Variants in GPR155 observed in about 807,000 individuals in gnomAD.
GPR155 encodes the protein G protein-coupled receptor 155, also known as lysosomal cholesterol signaling protein.
A neutral mutation model predicts 93.1 loss-of-function variants in GPR155; 65 were observed. That is an observed-to-expected ratio of 0.70 (90% CI 0.57 to 0.86). GPR155 has a LOEUF of 0.86. Among genes scored for constraint, GPR155 ranks in the 40% least tolerant of loss-of-function variants. The pLI, the probability that GPR155 is intolerant of heterozygous loss-of-function variation, is 0.00. For missense variants in GPR155, 838 were observed against 1,034.8 expected (o/e 0.81, Z 2.61); for synonymous variants, 319 against 360.1 (o/e 0.89, Z 1.29).
intron 1 of GPR155, among the ~76,000 whole-genome samples, chr2:174,484,712 T>C (rs1331650616): frequency 1.3e-5 from 2 of 152,094 alleles, no homozygotes; most frequent in East Asian, 1.9e-4. Context: ...AGGTGGACTG[T>C]GTGAGCCCAG....
rs1460562355 is a variant in GPR155 at position 174,453,841 on chromosome 2, C to T, written c.1772G>A (p.Ser591Asn). Residue 591 changes from serine (S) to asparagine (N), a missense_variant and splice_region_variant, in exon 11 of 16, where the codon AGT becomes AAT. Ser to Asn is a conservative substitution (Grantham distance 46). Transcript: ENST00000392552. ...ELFTSSIPET[S>N]CCSCSMGNGE... ...ATTTCCCATGGAGCAGGAGCAGCAA[C>T]CTATATCAATCAAATAGTATGTGAG... is the stretch of plus-strand genomic sequence containing the variant. The T allele has an allele frequency of 6.2e-7, 1 of 1,602,078 alleles. No homozygotes were observed. Among genetic ancestry groups the T allele is most frequent in the Non-Finnish European group, 8.6e-7 (1 of 1,169,418 alleles).
chr2:174,441,542 C>T lies in GPR155; in HGVS notation c.2174+577G>A, dbSNP rs189778933. On this transcript the variant is annotated intron_variant, in intron 14 of 15. Transcript: ENST00000392552. ...TGGTGTGCTGCACCCATTAACTCGTCGTTTACATTAGGTATATCTCCTAAT... is the reference window on the plus strand; with the variant it reads ...TGGTGTGCTGCACCCATTAACTCGTTGTTTACATTAGGTATATCTCCTAAT... 1.2e-4 allele frequency among the ~76,000 whole-genome samples: 18 copies of T among 152,000 alleles called. No homozygotes were observed. The East Asian group carries it at 3.3e-3, about 28-fold the overall frequency.
intron 1 of GPR155, among the ~76,000 whole-genome samples, chr2:174,482,260 T>C (rs1369183349): frequency 1.3e-5 from 2 of 152,218 alleles, no homozygotes; most frequent in Admixed American, 6.5e-5. Flanking sequence ...ATACTCAGTA[T>C]TAGACATGAG....
At chr2:174,463,767 T>C (rs974885826) in intron 7 of GPR155, among the ~76,000 whole-genome samples, 4 of 152,262 alleles carry the variant, frequency 2.6e-5, no homozygotes, top group Non-Finnish European at 5.9e-5. Flanking sequence ...GTTTGTAGTT[T>C]TGTTTGAATA....
rs1559122067 is a variant in GPR155, at chr2:174,481,912, A to G, written c.45T>C (p.Asn15=). 3.7e-6 allele frequency: 6 copies of G among 1,614,012 alleles called. No individual in the cohort carries two copies. The highest frequency in any genetic ancestry group is 1.1e-5 in the South Asian group (1 of 91,072). ...LPAENLTIAV[N]MTKTLPTAVT... ...CTGCTGTAGGCAAAGTCTTGGTCAT[A>G]TTGACTGCAATGGTTAAGTTCTCTG... Residue 15 remains asparagine (N), a synonymous_variant, in exon 2 of 16, where the codon AAT becomes AAC. Coordinates refer to ENST00000392552, the MANE Select transcript of GPR155 (RefSeq NM_152529.7).
rs183861476 is a variant in GPR155 at position 174,447,899 on chromosome 2, C to T, written c.1877-1152G>A. Among the ~76,000 whole-genome samples, 623 of 149,960 alleles carry T rather than the reference C, an allele frequency of 4.2e-3. 4 individuals carry two copies. Among genetic ancestry groups the T allele is most frequent in the Middle Eastern group, 0.018 (5 of 284 alleles). ...AATTATATACATATAATTTTAAAGG[C>T]CGAATTAATAACTCAAGTTTTATCA... is the stretch of plus-strand genomic sequence containing the variant. On this transcript the variant is annotated intron_variant, in intron 11 of 15. Coordinates refer to ENST00000392552, the MANE Select transcript of GPR155 (RefSeq NM_152529.7).
At chr2:174,482,788 C>T (rs1688364924) in intron 1 of GPR155, 1 of 152,298 alleles carries the variant, frequency 6.6e-6, no homozygotes, top group Non-Finnish European at 1.5e-5. Flanking sequence ...GCATGAGCCA[C>T]TGTGCCCGAC....
chr2:174,473,973 T>C (rs1688073293), intron 2 of GPR155, among the ~76,000 whole-genome samples: 1 of 152,160 alleles, frequency 6.6e-6, no homozygotes, highest in Admixed American at 6.5e-5. Context: ...AGTTAAATAT[T>C]TTCCAGATGA....
chr2:174,446,827 A>G (rs1687147647), intron 11 of GPR155, 80 bp from the exon 12 acceptor site: 4 of 1,279,034 alleles, frequency 3.1e-6, no homozygotes, highest in Non-Finnish European at 4.5e-6. Flanking sequence ...ACTTCCTAAG[A>G]GAAACAACAG....
intron 14 of GPR155, 136 bp from the exon 15 acceptor site, chr2:174,440,171 C>A: frequency 1.6e-6 from 1 of 635,178 alleles, no homozygotes; most frequent in Non-Finnish European, 2.7e-6. Flanking sequence ...ACCCAGACAT[C>A]GTTAGTCTCA....
intron 10 of GPR155, among the ~76,000 whole-genome samples, chr2:174,455,122 A>T (rs1459233024): frequency 6.6e-6 from 1 of 152,200 alleles, no homozygotes; most frequent in Non-Finnish European, 1.5e-5. Flanking sequence ...AATTACCCTG[A>T]TTTGATCATT....
In GPR155 at chr2:174,446,641, C is replaced by A. The variant is rs756199392; in HGVS notation, c.1983G>T (p.Leu661=). The A allele has an allele frequency of 3.1e-6, 5 of 1,613,956 alleles. No homozygotes were observed. The change falls in exon 12 of 16, where the codon CTG becomes CTT. Residue 661 remains leucine, a synonymous_variant. Coordinates refer to ENST00000392552, the MANE Select transcript of GPR155 (RefSeq NM_152529.7). ...ACAGGCCAATGATGAGAAGTAAACA[C>A]AGCAACACATGTCGGGTCAGTTGCT... ...GDQQLTRHVL[L]CLLLIIGLFA... is the part of the protein sequence containing the mutation.
chr2:174,446,070 G>T (rs563358721), intron 12 of GPR155, among the ~76,000 whole-genome samples: 1 of 151,958 alleles, frequency 6.6e-6, no homozygotes, highest in South Asian at 2.1e-4. Flanking sequence ...ACTTTGGGAG[G>T]CTAAGGAGGG....
intron 2 of GPR155, among the ~76,000 whole-genome samples, chr2:174,480,672 G>A (rs9287974): frequency 0.019 from 2,825 of 151,938 alleles, 99 homozygotes; most frequent in African/African-American, 0.064. Flanking sequence ...AAAAGGAAAA[G>A]TTAGAAAGGT....
At position 174,434,554 on chromosome 2, in the gene GPR155, G is replaced by A. The variant is rs1686719508; in HGVS notation, c.*1562C>T. The A allele has an allele frequency of 6.6e-6, 1 of 151,704 alleles. No homozygotes were observed. The highest frequency in any genetic ancestry group is 2.4e-5 in the African/African-American group (1 of 41,292). The allele number at this position is 151,704 out of a possible 1,614,324, so 9.4% of individuals were successfully genotyped here. ...TTAATGGCATAGATTAGTAATTTGGGTAGAAAAGAAAAGACAAACTTTAAA... is the reference window on the plus strand; with the variant it reads ...TTAATGGCATAGATTAGTAATTTGGATAGAAAAGAAAAGACAAACTTTAAA... On this transcript the variant is annotated 3_prime_UTR_variant, in exon 16 of 16. Transcript: ENST00000392552.
At chr2:174,446,026 G>A (rs1240283459) in intron 12 of GPR155, among the ~76,000 whole-genome samples, 1 of 151,816 alleles carries the variant, frequency 6.6e-6, no homozygotes, top group Admixed American at 6.6e-5. Flanking sequence ...CTGCTTTTGG[G>A]CCTGGCGCAG....
intron 11 of GPR155, among the ~76,000 whole-genome samples, 154 bp from the exon 12 acceptor site, chr2:174,446,901 T>C (rs34770618): frequency 0.33 from 50,450 of 152,132 alleles, 9,235 homozygotes; most frequent in Non-Finnish European, 0.44. Context: ...AGCTCCTTCA[T>C]GTTGCTTTAG....
In GPR155 at chr2:174,461,470, C is replaced by T. The variant is rs200012104; in HGVS notation, c.1492G>A (p.Val498Ile). The change falls in exon 9 of 16, where the codon GTT (valine) becomes ATT (isoleucine). Residue 498 changes from valine to isoleucine, a missense_variant. Physicochemically the swap from Val to Ile is conservative, Grantham distance 29 (BLOSUM62 3). This residue lies in a region of GPR155 where 663 missense variants were observed against 790.1 expected (regional missense o/e 0.84). Transcript: ENST00000392552. The part of the protein sequence containing the change: ...GWGIPALLVG[V>I]LLITGKHNGD... The stretch of plus-strand genomic sequence containing the variant: ...TTGTGTTTTCCAGTTATCAAAAGAA[C>T]ACCAACAAGGAGAGCAGGAATTCTG... 5 of 1,612,798 alleles carry T rather than the reference C, an allele frequency of 3.1e-6. No individual in the cohort carries two copies. Among genetic ancestry groups the T allele is most frequent in the Non-Finnish European group, 2.5e-6 (3 of 1,179,054 alleles).
chr2:174,462,832 G>A (rs943731948), intron 7 of GPR155, among the ~76,000 whole-genome samples: 13 of 152,150 alleles, frequency 8.5e-5, no homozygotes, highest in African/African-American at 3.1e-4. Flanking sequence ...ATGTATGCAA[G>A]TAACATTTTA....
Sources: allele counts gnomAD v4.1 joint callset (sites outside exome capture counted in the v4.1 genomes callset), GRCh38; gene constraint gnomAD v4.1.1; regional missense constraint gnomAD v4.1.1; transcripts MANE v1.5; gene names NCBI Gene and HGNC (gene_info 2026-07-23, HGNC 2026-07-21).